The following CHLSN variants were observed in gnomAD, a reference collection of about 807,000 sequenced individuals.
CHLSN encodes cholesin, also known as protein cholesin.
At chr7:1,067,968 C>T in the CHLSN span, among the ~76,000 whole-genome samples, 2 of 152,274 alleles carry the variant, frequency 1.3e-5, no homozygotes, top group South Asian at 2.1e-4. Context: ...GGAGGCTTCC[C>T]GCCTCTGGCA....
the CHLSN span, chr7:985,363 T>G: frequency 1.2e-5 from 18 of 1,536,434 alleles, no homozygotes; most frequent in South Asian, 2.2e-4. Context: ...GGGTGGAGCC[T>G]GGAGTGATGG....
At chr7:1,088,121 A>T in the CHLSN span, 1 of 152,314 alleles carries the variant, frequency 6.6e-6, no homozygotes, top group Non-Finnish European at 1.5e-5. This position sits in a 1 kb window ranked among gnomAD's most constrained non-coding sequence, Gnocchi z 4.5. Context: ...TCACTGGCTC[A>T]GAGGGAGGAC....
At chr7:980,207 G>A in the CHLSN span, among the ~76,000 whole-genome samples, 3 of 152,230 alleles carry the variant, frequency 2.0e-5, no homozygotes, top group Non-Finnish European at 4.4e-5. Context: ...CTCCGGGGGA[G>A]CCCACCTACC....
the CHLSN span, among the ~76,000 whole-genome samples, chr7:1,075,234 C>T: frequency 6.6e-6 from 1 of 152,154 alleles, no homozygotes; most frequent in South Asian, 2.1e-4. Context: ...CCATTTTAGG[C>T]CAGGGGCGGT....
the CHLSN span, among the ~76,000 whole-genome samples, chr7:1,052,835 C>T: frequency 3.0e-4 from 46 of 152,228 alleles, no homozygotes; most frequent in African/African-American, 1.1e-3. The surrounding 1 kb of genome is among the most constrained non-coding windows in gnomAD (Gnocchi z 4.2). Context: ...GGGGGGCAGG[C>T]GGCCCTTCTC....
chr7:1,119,706 G>A, the CHLSN span, among the ~76,000 whole-genome samples: 2 of 152,104 alleles, frequency 1.3e-5, no homozygotes, highest in Admixed American at 1.3e-4. Flanking sequence ...GCGAAACCCT[G>A]TCTCTACAAA....
chr7:1,016,335 G>A, the CHLSN span, among the ~76,000 whole-genome samples: 1 of 72,042 alleles, frequency 1.4e-5, no homozygotes, highest in Non-Finnish European at 2.5e-5. Flanking sequence ...CAGCACAGCA[G>A]CACACAGCAG....
At chr7:1,130,283 C>T in the CHLSN span, among the ~76,000 whole-genome samples, 1 of 152,192 alleles carries the variant, frequency 6.6e-6, no homozygotes, top group Non-Finnish European at 1.5e-5. Context: ...CAGCTGAGGC[C>T]ACCAGACTTG....
chr7:995,795 C>T, the CHLSN span, among the ~76,000 whole-genome samples: 4 of 152,258 alleles, frequency 2.6e-5, no homozygotes, highest in Admixed American at 6.5e-5. Flanking sequence ...CTGCCGCCGG[C>T]AAGGCCCGCC....
chr7:991,402 C>G, the CHLSN span, among the ~76,000 whole-genome samples: 1 of 149,476 alleles, frequency 6.7e-6, no homozygotes, highest in Non-Finnish European at 1.5e-5. Context: ...ACAAGCCTAG[C>G]TTAGTGAAAA....
At chr7:1,058,495 G>A in the CHLSN span, 1 of 779,828 alleles carries the variant, frequency 1.3e-6, no homozygotes, top group Admixed American at 1.7e-5. Context: ...GACCACATGG[G>A]GGTGCAGCAG....
the CHLSN span, among the ~76,000 whole-genome samples, chr7:1,050,804 G>T: frequency 0.11 from 16,293 of 152,296 alleles, 1,156 homozygotes; most frequent in Middle Eastern, 0.2. Context: ...CCAGAGACGG[G>T]CACACCGGAA....
At chr7:1,008,294 CCTCT>C in the CHLSN span, among the ~76,000 whole-genome samples, 157 of 152,332 alleles carry the variant, frequency 1.0e-3, 6 homozygotes, top group East Asian at 0.028. Context: ...CCTCTGAAGC[CCTCT>C]CTGTCTACAG....
the CHLSN span, among the ~76,000 whole-genome samples, chr7:1,042,956 A>C: frequency 6.6e-6 from 1 of 152,084 alleles, no homozygotes; most frequent in Non-Finnish European, 1.5e-5. Context: ...TTCACAATTA[A>C]ATTTAAAATG....
chr7:1,070,784 C>T, the CHLSN span, among the ~76,000 whole-genome samples: 4 of 147,518 alleles, frequency 2.7e-5, no homozygotes, highest in African/African-American at 7.9e-5. Flanking sequence ...CGCACGCACA[C>T]GGACACGCAC....
chr7:1,136,597 C>T, the CHLSN span, among the ~76,000 whole-genome samples: 2 of 139,304 alleles, frequency 1.4e-5, no homozygotes, highest in Non-Finnish European at 3.0e-5. Flanking sequence ...CATATATAAA[C>T]ATATATAAAT....
the CHLSN span, among the ~76,000 whole-genome samples, chr7:1,097,120 C>T: frequency 6.6e-6 from 1 of 152,348 alleles, no homozygotes; most frequent in African/African-American, 2.4e-5. The surrounding 1 kb of genome is among the most constrained non-coding windows in gnomAD (Gnocchi z 4.3). Context: ...TAAGAAGCAG[C>T]ACACAGACTA....
the CHLSN span, chr7:1,022,943 T>TG: frequency 6.4e-6 from 3 of 465,590 alleles, no homozygotes; most frequent in Non-Finnish European, 1.3e-5. Flanking sequence ...GCGCAGACAC[T>TG]GGGGCAGGCG....
the CHLSN span, among the ~76,000 whole-genome samples, chr7:1,016,797 ACACAGCAGCACACACCAGCG>A: frequency 1.7e-4 from 13 of 77,208 alleles, no homozygotes; most frequent in African/African-American, 9.4e-4. Flanking sequence ...ACACAGCAGC[ACACAGCAGCACACACCAGCG>A]CACAGCAGCG....
Sources: allele counts gnomAD v4.1 joint callset (sites outside exome capture counted in the v4.1 genomes callset), GRCh38; gene constraint gnomAD v4.1.1; non-coding constraint Gnocchi (gnomAD v3.1); transcripts MANE v1.5; gene names NCBI Gene and HGNC (gene_info 2026-07-23, HGNC 2026-07-21).